MTIF3: variants seen among roughly 807,000 people sequenced by gnomAD.
The protein encoded by MTIF3 is mitochondrial translational initiation factor 3.
Under a neutral mutation model 20.7 loss-of-function variants are expected in MTIF3, and 13 were observed. The ratio of observed to expected loss-of-function variants is 0.63; its 90% CI spans 0.41 to 1.00. The LOEUF is 1.00. Ranked by LOEUF, MTIF3 falls within the 50% of genes least tolerant of loss-of-function variation. The pLI, the probability that MTIF3 is intolerant of heterozygous loss-of-function variation, is 0.00. For synonymous variants in MTIF3, 114 were observed against 112.5 expected, an observed-to-expected ratio of 1.01 and a Z score of -0.08; for missense variants, 295 against 324.5, an observed-to-expected ratio of 0.91 and a Z score of 0.70.
chr13:27,437,268 T>C lies in MTIF3; in HGVS notation c.466A>G (p.Thr156Ala). Residue 156 changes from threonine (T) to alanine (A), a missense_variant, in exon 4 of 5, where the codon ACC (threonine) becomes GCC (alanine). Transcript: ENST00000381120. ...GACAAAATCAGTTCCTTTCTCAGGG[T>C]TGGTCCTGGTTTGAAACAGATAGGG... Reference protein sequence around the residue: ...MEKANPKTGPTLRKELILSSN... With the variant: ...MEKANPKTGPALRKELILSSN... 1.2e-6 allele frequency: 2 copies of C among 1,613,260 alleles called. No individual in the cohort carries two copies. The highest frequency in any genetic ancestry group is 1.1e-5 in the South Asian group (1 of 91,030).
intron 1 of MTIF3, among the ~76,000 whole-genome samples, chr13:27,446,778 A>G (rs1388720027): frequency 1.3e-5 from 2 of 152,134 alleles, no homozygotes; most frequent in Non-Finnish European, 2.9e-5. Context: ...TAGTGCCTTT[A>G]TTTCTTCATT....
chr13:27,441,623 C>T (rs1954004950), intron 2 of MTIF3, among the ~76,000 whole-genome samples: 1 of 152,210 alleles, frequency 6.6e-6, no homozygotes, highest in African/African-American at 2.4e-5. Flanking sequence ...TTTTTAATTG[C>T]TTTTCTGTCC....
intron 1 of MTIF3, among the ~76,000 whole-genome samples, chr13:27,449,237 C>T (rs772791291): frequency 1.3e-5 from 2 of 152,158 alleles, no homozygotes; most frequent in Non-Finnish European, 2.9e-5. Flanking sequence ...CCACTCGAAT[C>T]CATCCAGTCC....
intron 2 of MTIF3, among the ~76,000 whole-genome samples, chr13:27,441,495 C>T (rs77839608): frequency 0.012 from 1,857 of 152,330 alleles, 12 homozygotes; most frequent in Non-Finnish European, 0.019. Context: ...AAAGATCATT[C>T]TCAAGGTAAG....
At chr13:27,446,292 A>T (rs967807278) in intron 1 of MTIF3, among the ~76,000 whole-genome samples, 3 of 152,298 alleles carry the variant, frequency 2.0e-5, no homozygotes, top group Admixed American at 6.5e-5. Context: ...TCCTGACCTC[A>T]AATGATCCAC....
chr13:27,439,958 G>C lies in MTIF3; in HGVS notation c.460+31C>G, dbSNP rs1247978789. On this transcript the variant is annotated intron_variant, in intron 3 of 4. Coordinates refer to ENST00000381120, the MANE Select transcript of MTIF3 (RefSeq NM_152912.5). ...AAACTGCTGATTTGTAGCTCTTAAAGGATTCAGGGAGCCAACAGCAAAATA... is the reference window on the plus strand; with the variant it reads ...AAACTGCTGATTTGTAGCTCTTAAACGATTCAGGGAGCCAACAGCAAAATA... The C allele has an allele frequency of 3.1e-6, 5 of 1,587,856 alleles. No homozygotes were observed. In the South Asian group the frequency reaches 5.5e-5, roughly 18 times the overall value.
chr13:27,437,287 G>A lies in MTIF3; in HGVS notation c.461-14C>T, dbSNP rs772703715. 1.9e-6 allele frequency: 3 copies of A among 1,611,984 alleles called. No homozygotes were observed. The highest frequency in any genetic ancestry group is 2.5e-6 in the Non-Finnish European group (3 of 1,179,496). ...TCAGGGTTGGTCCTGGTTTGAAACA[G>A]ATAGGGTGCAAGGACTACTGACTAG... On this transcript the variant is annotated splice_polypyrimidine_tract_variant and intron_variant, in intron 3 of 4. Transcript: ENST00000381120.
intron 4 of MTIF3, 87 bp from the exon 5 acceptor site, chr13:27,435,980 G>A (rs1885989): frequency 0.16 from 170,714 of 1,082,232 alleles, 15,073 homozygotes; most frequent in Non-Finnish European, 0.18. Context: ...ACAAAAACTG[G>A]CACCCTTGAA....
chr13:27,440,936 T>C (rs562340586), intron 2 of MTIF3: 49 of 164,926 alleles, frequency 3.0e-4, no homozygotes, highest in Middle Eastern at 6.2e-3. Context: ...ATATGTATTA[T>C]ATACTGTATT....
rs1953801638 is a variant in MTIF3 at position 27,437,108 on chromosome 13, T to C, written c.618+8A>G. Reference sequence around the variant, plus strand: ...GCACAAGCAGTGGCTTGTACCTTCTTTACTTACCATTTCATTTTCTGACAC... The same window carrying C: ...GCACAAGCAGTGGCTTGTACCTTCTCTACTTACCATTTCATTTTCTGACAC... On this transcript the variant is annotated splice_region_variant and intron_variant, in intron 4 of 4. Coordinates refer to ENST00000381120, the MANE Select transcript of MTIF3 (RefSeq NM_152912.5). 1 of 1,613,012 alleles carries C rather than the reference T, an allele frequency of 6.2e-7. No homozygotes were observed. The highest frequency in any genetic ancestry group is 8.5e-7 in the Non-Finnish European group (1 of 1,179,624).
chr13:27,440,454 G>C lies in MTIF3; in HGVS notation c.-1-5C>G. On this transcript the variant is annotated splice_polypyrimidine_tract_variant and splice_region_variant and intron_variant, in intron 2 of 4. Transcript: ENST00000381120. ...TTTAGAAAAAGAGCAGCCATCCTAA[G>C]AAAGTAGTAAGAAGAGTTCATTAAA... The C allele has an allele frequency of 6.3e-7, 1 of 1,581,490 alleles. No individual in the cohort carries two copies. Among genetic ancestry groups the C allele is most frequent in the Non-Finnish European group, 8.6e-7 (1 of 1,161,784 alleles).
rs1450179112 is a variant in MTIF3 at position 27,440,097 on chromosome 13, G to C, written c.352C>G (p.Gln118Glu). 1 of 1,614,166 alleles carries C rather than the reference G, an allele frequency of 6.2e-7. No homozygotes were observed. Among genetic ancestry groups the C allele is most frequent in the South Asian group, 1.1e-5 (1 of 91,078 alleles). The change falls in exon 3 of 5, where the codon CAA (glutamine) becomes GAA (glutamate). Residue 118 changes from glutamine (Q) to glutamate (E), a missense_variant. Transcript: ENST00000381120. ...LMDERDLRLV[Q>E]RNTSTEPAEY... ...GCAGGTTCTGTGCTGGTGTTCCTTT[G>C]AACCAGTCGCAGGTCTCGCTCATCC...
chr13:27,437,549 A>C (rs2892058), intron 3 of MTIF3, among the ~76,000 whole-genome samples: 1 of 152,198 alleles, frequency 6.6e-6, no homozygotes, highest in African/African-American at 2.4e-5. Context: ...AGTCGTTTAA[A>C]GGATCAAGTT....
At position 27,435,826 on chromosome 13, in the gene MTIF3, G is replaced by A. The variant is rs201690059; in HGVS notation, c.686C>T (p.Ala229Val). ...CATTAAAGCTTTTCCTCCTTGAACA[G>A]CTTGTGGCCTAGATGAGAATGTAGC... ...GIATFSSRPQ[A>V]VQGGKALMCV... is the part of the protein sequence containing the mutation. The change falls in exon 5 of 5, where the codon GCT becomes GTT. Residue 229 changes from alanine (A) to valine (V), a missense_variant. Coordinates refer to ENST00000381120, the MANE Select transcript of MTIF3 (RefSeq NM_152912.5). 9.7e-5 allele frequency: 156 copies of A among 1,613,990 alleles called. No homozygotes were observed. The highest frequency in any genetic ancestry group is 1.3e-4 in the Non-Finnish European group (152 of 1,180,030).
rs778602978 is a variant in MTIF3 at position 27,440,458 on chromosome 13, G to C, written c.-1-9C>G. ...GAAAAAGAGCAGCCATCCTAAGAAA[G>C]TAGTAAGAAGAGTTCATTAAAATTC... On this transcript the variant is annotated splice_polypyrimidine_tract_variant and intron_variant, in intron 2 of 4. Coordinates refer to ENST00000381120, the MANE Select transcript of MTIF3 (RefSeq NM_152912.5). 6.4e-6 allele frequency: 10 copies of C among 1,567,234 alleles called. 1 individual carries two copies. In the Admixed American group the frequency reaches 1.9e-4, roughly 30 times the overall value.
chr13:27,443,711 CAT>C (rs1954078539), intron 2 of MTIF3, among the ~76,000 whole-genome samples: 2 of 151,768 alleles, frequency 1.3e-5, no homozygotes, highest in Non-Finnish European at 2.9e-5. Flanking sequence ...AAATTATCAA[CAT>C]ATTAAAATAT....
chr13:27,438,646 CCACTACACCTTGCT>C (rs1403741258), intron 3 of MTIF3, among the ~76,000 whole-genome samples: 25 of 152,148 alleles, frequency 1.6e-4, no homozygotes, highest in Non-Finnish European at 3.1e-4. Context: ...CAGGTTTGCA[CCACTACACCTTGCT>C]AATTTTAAAA....
At chr13:27,436,717 T>G (rs1028149341) in intron 4 of MTIF3, among the ~76,000 whole-genome samples, 1 of 151,896 alleles carries the variant, frequency 6.6e-6, no homozygotes, top group Non-Finnish European at 1.5e-5. Flanking sequence ...TACCAGTCAC[T>G]TTGTCTTTAT....
intron 2 of MTIF3, among the ~76,000 whole-genome samples, chr13:27,443,165 T>C (rs984759097): frequency 1.4e-4 from 21 of 152,238 alleles, no homozygotes; most frequent in African/African-American, 5.1e-4. Flanking sequence ...AGATGCTCCA[T>C]CCACAGTGTA....
Sources: gnomAD v4.1 joint callset for allele counts (sites outside exome capture counted in the v4.1 genomes callset) on GRCh38, gnomAD v4.1.1 for gene constraint, MANE v1.5 for transcripts, NCBI Gene and HGNC (gene_info 2026-07-23, HGNC 2026-07-21) for gene names.